KCNH2: variants seen among roughly 807,000 people sequenced by gnomAD.
The protein encoded by KCNH2 is potassium voltage-gated channel subfamily H member 2, also known as voltage-gated inwardly rectifying potassium channel KCNH2.
A neutral mutation model predicts 95.9 loss-of-function variants in KCNH2; 35 were observed. The observed-to-expected ratio is 0.37, with a 90% CI of 0.28 to 0.48. The LOEUF is 0.48. Ranked by LOEUF, KCNH2 falls within the 20% of genes least tolerant of loss-of-function variation. KCNH2 has a pLI of 0.99. For synonymous variants in KCNH2, 786 were observed against 754.7 expected (o/e 1.04, Z -0.68); for missense variants, 1,274 against 1,702.9 (o/e 0.75, Z 4.43).
Position 150,953,097 on chromosome 7 carries a change from C to T in KCNH2, c.1129-244G>A, listed in dbSNP as rs41314378. 0.017 allele frequency among the ~76,000 whole-genome samples: 2,532 copies of T among 152,268 alleles called. 69 individuals carry two copies. The highest frequency in any genetic ancestry group is 0.058 in the African/African-American group (2,391 of 41,528). ...AACAGTTCCAACATTTCCCGGCAGA[C>T]GTGGATTCAGGCCACTCGGCAGGAA... On this transcript the variant is annotated intron_variant, in intron 5 of 14. Transcript: ENST00000262186.
intron 1 of KCNH2, among the ~76,000 whole-genome samples, 176 bp from the exon 2 acceptor site, chr7:150,975,117 G>C (rs1254302301): frequency 6.6e-6 from 1 of 151,928 alleles, no homozygotes; most frequent in Non-Finnish European, 1.5e-5. Context: ...CCCCGATACA[G>C]GTGCCTGGCC....
chr7:150,952,298 G>GTCTTTCTCTCTTTCTC lies in KCNH2; in HGVS notation c.1557+111_1557+126dup, dbSNP rs41307298. On this transcript the variant is annotated intron_variant, in intron 6 of 14. Transcript: ENST00000262186. This position sits in a 1 kb window ranked among gnomAD's most constrained non-coding sequence, Gnocchi z 7.3. ...CTTGCCACCATGTCTCTCTCCCACT[G>GTCTTTCTCTCTTTCTC]TCTTTCTCTCTTTCTCTCTCTCTCT... 2.0e-6 allele frequency: 2 copies of GTCTTTCTCTCTTTCTC among 1,013,386 alleles called. No individual in the cohort carries two copies. Among genetic ancestry groups the GTCTTTCTCTCTTTCTC allele is most frequent in the Admixed American group, 4.1e-5 (2 of 49,020 alleles). 62.8% of individuals were successfully genotyped at this position (1,013,386 alleles called of 1,614,324 possible).
At chr7:150,958,752 G>C (rs189989371) in intron 3 of KCNH2, among the ~76,000 whole-genome samples, 2 of 152,056 alleles carry the variant, frequency 1.3e-5, no homozygotes, top group Admixed American at 6.5e-5. Context: ...CTCTCACACC[G>C]GCCGCTGGGT....
chr7:150,976,146 G>A (rs1368745254), intron 1 of KCNH2, among the ~76,000 whole-genome samples: 2 of 152,204 alleles, frequency 1.3e-5, no homozygotes, highest in African/African-American at 2.4e-5. Context: ...AGTAGCAGTT[G>A]GAATTCTCCC....
chr7:150,957,355 T>C lies in KCNH2; in HGVS notation c.1064A>G (p.Asp355Gly), dbSNP rs1299566329. ...GDPFLASPTS[D>G]REIIAPKIKE... The stretch of plus-strand genomic sequence containing the variant: ...TATCTTAGGTGCTATGATCTCACGG[T>C]CACTGGTGGGCGAAGCCAAGAAGGG... Residue 355 changes from aspartate to glycine, a missense_variant, in exon 5 of 15, where the codon GAC becomes GGC. This residue lies in a region of KCNH2 where 392 missense variants were observed against 429.9 expected (regional missense o/e 0.91). Coordinates refer to ENST00000262186, the MANE Select transcript of KCNH2 (RefSeq NM_000238.4). The C allele has an allele frequency of 6.2e-7, 1 of 1,612,894 alleles. No homozygotes were observed. Among genetic ancestry groups the C allele is most frequent in the Non-Finnish European group, 8.5e-7 (1 of 1,179,552 alleles).
intron 1 of KCNH2, 21 bp downstream of exon 1, chr7:150,977,806 CCCCTCCCCGCT>C: frequency 9.4e-7 from 1 of 1,058,826 alleles, no homozygotes; most frequent in Non-Finnish European, 1.4e-6. Flanking sequence ...CCCCCAGAGC[CCCCTCCCCGCT>C]CAGCCCCCTC....
intron 2 of KCNH2, among the ~76,000 whole-genome samples, chr7:150,974,143 G>A (rs766681555): frequency 2.0e-5 from 3 of 152,198 alleles, no homozygotes; most frequent in Non-Finnish European, 4.4e-5. Context: ...TGAGACAAAG[G>A]GAACTGAGGT....
In KCNH2 at chr7:150,947,802, C is replaced by A. The variant is rs557789224; in HGVS notation, c.2769G>T (p.Pro923=). The part of the protein sequence containing the change: ...AGAGPSSRGR[P]GGPWGESPSS... ...ACGGGCTCTCCCCCCACGGCCCCCC[C>A]GGCCGGCCCCGGCTACTCGGCCCTG... The change falls in exon 12 of 15, where the codon CCG becomes CCT. Residue 923 remains proline (P), a synonymous_variant. Coordinates refer to ENST00000262186, the MANE Select transcript of KCNH2 (RefSeq NM_000238.4). 6.5e-7 allele frequency: 1 copy of A among 1,530,590 alleles called. No individual in the cohort carries two copies. The highest frequency in any genetic ancestry group is 2.0e-5 in the Admixed American group (1 of 50,608). 94.8% of individuals were successfully genotyped at this position (1,530,590 alleles called of 1,614,324 possible). A position where few individuals can be genotyped will look rare whatever the true frequency, so the allele number is the denominator to read the frequency against.
At chr7:150,976,840 C>T (rs1238566972) in intron 1 of KCNH2, among the ~76,000 whole-genome samples, 1 of 151,854 alleles carries the variant, frequency 6.6e-6, no homozygotes, top group African/African-American at 2.4e-5. Context: ...TCTCCACCCC[C>T]TCAGGATCAT....
At chr7:150,968,617 G>C (rs1449182082) in intron 2 of KCNH2, among the ~76,000 whole-genome samples, 1 of 152,232 alleles carries the variant, frequency 6.6e-6, no homozygotes, top group East Asian at 1.9e-4. Context: ...GGTTGCCTAT[G>C]GGGAGGGTAA....
intron 10 of KCNH2, 59 bp from the exon 11 acceptor site, chr7:150,948,602 G>A: frequency 6.9e-7 from 1 of 1,456,446 alleles, no homozygotes; most frequent in Non-Finnish European, 9.6e-7. Context: ...CCGGGGTCAG[G>A]CCCCAAGCTC....
chr7:150,974,458 C>CCA (rs1801919422), intron 2 of KCNH2, among the ~76,000 whole-genome samples: 1 of 152,334 alleles, frequency 6.6e-6, no homozygotes, highest in African/African-American at 2.4e-5. Flanking sequence ...GGAGCCAGAC[C>CCA]CACAGCCTAG....
At chr7:150,964,215 G>A (rs576501847) in intron 2 of KCNH2, among the ~76,000 whole-genome samples, 325 of 152,324 alleles carry the variant, frequency 2.1e-3, no homozygotes, top group African/African-American at 7.4e-3. Context: ...GAGTCTCCGT[G>A]CGCTCCTCCG....
intron 3 of KCNH2, 116 bp downstream of exon 3, chr7:150,959,456 C>G: frequency 7.7e-7 from 1 of 1,299,090 alleles, no homozygotes; most frequent in African/African-American, 1.5e-5. Flanking sequence ...AAGGGGGGAC[C>G]CCCCACCCAA....
At position 150,947,670 on chromosome 7, in the gene KCNH2, C is replaced by A. The variant is rs780481239; in HGVS notation, c.2901G>T (p.Pro967=). The change falls in exon 12 of 15, where the codon CCG becomes CCT. Residue 967 remains proline, a synonymous_variant. Transcript: ENST00000262186. The part of the protein sequence containing the change: ...PFSSPRPPGE[P]PGGEPLMEDC... ...CCTCCATCAGGGGCTCCCCACCCGG[C>A]GGCTCTCCGGGGGGCCTGGGGCTGG... The A allele has an allele frequency of 2.2e-5, 36 of 1,606,846 alleles. No individual in the cohort carries two copies. Among genetic ancestry groups the A allele is most frequent in the Non-Finnish European group, 3.1e-5 (36 of 1,177,156 alleles).
intron 5 of KCNH2, chr7:150,955,766 G>A (rs934402603): frequency 6.2e-5 from 77 of 1,232,534 alleles, no homozygotes; most frequent in South Asian, 1.6e-4. Flanking sequence ...CCAGGGTGCC[G>A]TGCTCTGCCC....
chr7:150,972,391 C>T (rs758262162), intron 2 of KCNH2, among the ~76,000 whole-genome samples: 3 of 152,214 alleles, frequency 2.0e-5, no homozygotes, highest in South Asian at 4.1e-4. Flanking sequence ...CACACAGGCA[C>T]GCACACACGC....
rs757831762 is a variant in KCNH2 at position 150,958,339 on chromosome 7, C to G, written c.636G>C (p.Leu212=). The stretch of plus-strand genomic sequence containing the variant: ...GGTTGTCCATGGCTGTCACTTCGTC[C>G]AGGGCCAGCGACTCGCTGCTGGGTG... ...PAAPSSESLA[L]DEVTAMDNHV... Residue 212 remains leucine (L), a synonymous_variant, in exon 4 of 15, where the codon CTG becomes CTC. Transcript: ENST00000262186. 2 of 1,490,676 alleles carry G rather than the reference C, an allele frequency of 1.3e-6. No individual in the cohort carries two copies. Among genetic ancestry groups the G allele is most frequent in the South Asian group, 2.5e-5 (2 of 79,442 alleles). The allele number at this position is 1,490,676 out of a possible 1,614,324, so 92.3% of individuals were successfully genotyped here.
In KCNH2 at chr7:150,952,560, G is replaced by A; in HGVS notation, c.1422C>T (p.Thr474=). The A allele has an allele frequency of 6.2e-7, 1 of 1,614,230 alleles. No homozygotes were observed. The highest frequency in any genetic ancestry group is 8.5e-7 in the Non-Finnish European group (1 of 1,180,046). Residue 474 remains threonine, a synonymous_variant, in exon 6 of 15, where the codon ACC becomes ACT. Transcript: ENST00000262186. This position sits in a 1 kb window ranked among gnomAD's most constrained non-coding sequence, Gnocchi z 7.3. ...CCACCTCCTCGTTGGCATTGACGTA[G>A]GTGGTGCGGAAGTTGATGAGGATGT... The part of the protein sequence containing the change: ...IVDILINFRT[T]YVNANEEVVS...
Sources: gnomAD v4.1 joint callset for allele counts (sites outside exome capture counted in the v4.1 genomes callset) on GRCh38, gnomAD v4.1.1 for gene constraint, gnomAD v4.1.1 regional missense constraint, Gnocchi (gnomAD v3.1) non-coding constraint, MANE v1.5 for transcripts, NCBI Gene and HGNC (gene_info 2026-07-23, HGNC 2026-07-21) for gene names.